ERCC6L2: variants seen among roughly 807,000 people sequenced by gnomAD.
ERCC6L2 encodes the protein DNA excision repair protein ERCC-6-like 2.
A neutral mutation model predicts 132.0 loss-of-function variants in ERCC6L2; 77 were observed. That is an observed-to-expected ratio of 0.58 (90% confidence interval 0.49 to 0.71). The LOEUF (loss-of-function observed/expected upper bound fraction) is 0.71, where lower values mean the gene tolerates loss of function less well. Among genes scored for constraint, ERCC6L2 ranks in the 30% least tolerant of loss-of-function variants. The probability of loss-of-function intolerance (pLI) is 0.00; values close to 1 mark genes in which losing one functional copy is unlikely to be tolerated. For missense variants in ERCC6L2, 1,542 were observed against 1,837.6 expected (o/e 0.84, Z 2.94); for synonymous variants, 583 against 632.4 (o/e 0.92, Z 1.17).
chr9:95,972,591 A>G lies in ERCC6L2; in HGVS notation c.2840A>G (p.Asn947Ser), dbSNP rs1384248665. 2 of 1,289,508 alleles carry G rather than the reference A, an allele frequency of 1.6e-6. No individual in the cohort carries two copies. The highest frequency in any genetic ancestry group is 1.5e-5 in the African/African-American group (1 of 65,882). The allele number at this position is 1,289,508 out of a possible 1,614,324, so 79.9% of individuals were successfully genotyped here. A position where few individuals can be genotyped will look rare whatever the true frequency, so the allele number is the denominator to read the frequency against. ...VKTRNNDNSR[N>S]TDDKRNGIIS... is the part of the protein sequence containing the mutation. ...ACAAGAAATAATGATAATAGTCGAA[A>G]CACTGATGACAAAAGAAATGGAATA... The change falls in exon 16 of 19, where the codon AAC becomes AGC. Residue 947 changes from asparagine to serine, a missense_variant. By Grantham distance (46) the Asn-to-Ser change is conservative (BLOSUM62 1). Coordinates refer to ENST00000653738, the MANE Select transcript of ERCC6L2 (RefSeq NM_020207.7).
At chr9:95,954,156 G>GTT (rs1321406780) in intron 12 of ERCC6L2, among the ~76,000 whole-genome samples, 1 of 152,154 alleles carries the variant, frequency 6.6e-6, no homozygotes, top group African/African-American at 2.4e-5. Context: ...AAGTGGCAGG[G>GTT]TCAGGATCTG....
rs1194505429 is a variant in ERCC6L2, at chr9:95,915,667, G to A, written c.789-1G>A. ...CACCCTTCTTTTTTCTTACTTTATA[G>A]TTTGGAATGGTCAGCTGTCATTGTG... On this transcript the variant is annotated splice_acceptor_variant, in intron 4 of 18. Coordinates refer to ENST00000653738, the MANE Select transcript of ERCC6L2 (RefSeq NM_020207.7). LOFTEE classifies it high-confidence loss of function. 1 of 1,607,084 alleles carries A rather than the reference G, an allele frequency of 6.2e-7. No homozygotes were observed. Among genetic ancestry groups the A allele is most frequent in the Non-Finnish European group, 8.5e-7 (1 of 1,177,266 alleles).
intron 12 of ERCC6L2, among the ~76,000 whole-genome samples, chr9:95,943,043 CAA>C (rs1327988193): frequency 6.6e-6 from 1 of 151,952 alleles, no homozygotes; most frequent in East Asian, 1.9e-4. Context: ...ACAGAATTGT[CAA>C]AGTGAAAAAA....
chr9:95,943,966 CA>C (rs1001531882), intron 12 of ERCC6L2, among the ~76,000 whole-genome samples: 11 of 152,080 alleles, frequency 7.2e-5, no homozygotes, highest in Non-Finnish European at 1.2e-4. Flanking sequence ...GGTGGTTCCT[CA>C]AAAAATTAAA....
chr9:96,027,945 G>C (rs1223933095), intron 19 of ERCC6L2: 1 of 152,274 alleles, frequency 6.6e-6, no homozygotes, highest in Admixed American at 6.5e-5. Context: ...GCAGTTCTCT[G>C]CGAGAGCCTA....
intron 3 of ERCC6L2, among the ~76,000 whole-genome samples, chr9:95,902,363 A>G (rs1232505469): frequency 4.6e-5 from 7 of 152,176 alleles, no homozygotes; most frequent in African/African-American, 1.4e-4. Context: ...AGTAAAATTC[A>G]TAATTAATGC....
intron 16 of ERCC6L2, 108 bp from the exon 17 acceptor site, chr9:95,977,953 G>A (rs1272789230): frequency 1.7e-5 from 11 of 638,824 alleles, no homozygotes; most frequent in Non-Finnish European, 2.4e-5. Context: ...AAAGAATATT[G>A]TGATGTTGAT....
At chr9:95,987,177 A>T (rs1833128921) in intron 17 of ERCC6L2, among the ~76,000 whole-genome samples, 1 of 152,108 alleles carries the variant, frequency 6.6e-6, no homozygotes, top group East Asian at 1.9e-4. Flanking sequence ...GAGCCAAACC[A>T]TATCATTCTG....
chr9:95,882,862 C>T (rs963986462), intron 2 of ERCC6L2, among the ~76,000 whole-genome samples: 1 of 152,182 alleles, frequency 6.6e-6, no homozygotes. Flanking sequence ...AATTTACCTT[C>T]TTCGTTTATT....
At chr9:95,915,620 A>G in intron 4 of ERCC6L2, 48 bp from the exon 5 acceptor site, 1 of 1,547,454 alleles carries the variant, frequency 6.5e-7, no homozygotes, top group Non-Finnish European at 8.7e-7. Context: ...GTAAGGACTA[A>G]GAAAGGAAGT....
chr9:96,004,602 C>G lies in ERCC6L2; in HGVS notation c.3575C>G (p.Pro1192Arg). Residue 1192 changes from proline to arginine, a missense_variant, in exon 18 of 19, where the codon CCT becomes CGT. Physicochemically the swap from Pro to Arg is moderately radical, Grantham distance 103. Around this residue, in one of 4 missense-constraint regions of ERCC6L2, gnomAD observed 442 missense variants for 583.4 expected, o/e 0.76. Transcript: ENST00000653738. The stretch of plus-strand genomic sequence containing the variant: ...CCGAGTGAAGGCAGCATTTCACTTC[C>G]TCTTTACATTTCAAATCCTGTAAAC... ...QQPSEGSISL[P>R]LYISNPVNQK... 7.6e-7 allele frequency: 1 copy of G among 1,316,352 alleles called. No homozygotes were observed. Among genetic ancestry groups the G allele is most frequent in the Non-Finnish European group, 1.0e-6 (1 of 994,368 alleles). The allele number at this position is 1,316,352 out of a possible 1,614,324, so 81.5% of individuals were successfully genotyped here. A position where few individuals can be genotyped will look rare whatever the true frequency, so the allele number is the denominator to read the frequency against.
At chr9:95,886,749 C>G (rs1006439249) in intron 2 of ERCC6L2, among the ~76,000 whole-genome samples, 1 of 152,140 alleles carries the variant, frequency 6.6e-6, no homozygotes, top group African/African-American at 2.4e-5. Context: ...AAGTATTGAT[C>G]TAGGTTGTGT....
At chr9:95,889,232 T>A (rs1018059485) in intron 2 of ERCC6L2, among the ~76,000 whole-genome samples, 4 of 152,166 alleles carry the variant, frequency 2.6e-5, no homozygotes, top group Non-Finnish European at 5.9e-5. Flanking sequence ...AAGTTAGAAT[T>A]AAGATCGTAT....
At chr9:95,976,065 C>A (rs991709701) in intron 16 of ERCC6L2, among the ~76,000 whole-genome samples, 1 of 152,100 alleles carries the variant, frequency 6.6e-6, no homozygotes, top group East Asian at 1.9e-4. Context: ...GACCCTGCTG[C>A]TTTTCCCTTG....
chr9:96,006,045 C>T (rs1221231813), intron 18 of ERCC6L2, among the ~76,000 whole-genome samples: 3 of 152,052 alleles, frequency 2.0e-5, no homozygotes, highest in Admixed American at 6.5e-5. Flanking sequence ...CCCTTTTGCA[C>T]GTATTAAATG....
intron 17 of ERCC6L2, among the ~76,000 whole-genome samples, chr9:95,989,517 A>G (rs1833216627): frequency 6.6e-6 from 1 of 152,264 alleles, no homozygotes; most frequent in Non-Finnish European, 1.5e-5. Flanking sequence ...GCAAGCATTT[A>G]TTGAGAGCCT....
At chr9:95,879,877 C>T (rs889247883) in intron 1 of ERCC6L2, among the ~76,000 whole-genome samples, 1 of 152,092 alleles carries the variant, frequency 6.6e-6, no homozygotes, top group Non-Finnish European at 1.5e-5. Flanking sequence ...AAAAATAATT[C>T]CTAGTGTTCT....
intron 11 of ERCC6L2, among the ~76,000 whole-genome samples, chr9:95,941,059 A>C (rs1234332714): frequency 6.6e-6 from 1 of 152,082 alleles, no homozygotes; most frequent in Non-Finnish European, 1.5e-5. Context: ...AGCTGCACTT[A>C]GTGGAAGAAT....
chr9:95,951,868 T>A (rs983749781), intron 12 of ERCC6L2, among the ~76,000 whole-genome samples: 3 of 152,018 alleles, frequency 2.0e-5, no homozygotes, highest in Non-Finnish European at 4.4e-5. Flanking sequence ...ACCAAGCATT[T>A]AAAGAATTTG....
Sources: allele counts gnomAD v4.1 joint callset (sites outside exome capture counted in the v4.1 genomes callset), GRCh38; gene constraint gnomAD v4.1.1; regional missense constraint gnomAD v4.1.1; transcripts MANE v1.5; gene names NCBI Gene and HGNC (gene_info 2026-07-23, HGNC 2026-07-21).